The following MFAP3L variants were observed in gnomAD, a reference collection of about 807,000 sequenced individuals.
The protein encoded by MFAP3L is microfibrillar-associated protein 3-like.
In MFAP3L, 5 loss-of-function variants were observed where a neutral mutation model predicts 20.0. That is an observed-to-expected ratio of 0.25 (90% CI 0.13 to 0.53). The LOEUF (loss-of-function observed/expected upper bound fraction) is 0.53, where lower values mean the gene tolerates loss of function less well. Ranked by LOEUF, MFAP3L falls within the 20% of genes least tolerant of loss-of-function variation. MFAP3L has a pLI of 0.96. For missense variants in MFAP3L, 409 were observed against 527.5 expected, an observed-to-expected ratio of 0.78 and a Z score of 2.20; for synonymous variants, 219 against 213.0, an observed-to-expected ratio of 1.03 and a Z score of -0.25.
chr4:169,994,632 C>T (rs1427825493), intron 2 of MFAP3L: 3 of 793,392 alleles, frequency 3.8e-6, no homozygotes, highest in Non-Finnish European at 4.6e-6. Flanking sequence ...TCAATTTAGA[C>T]AACTACTTAC....
At chr4:170,013,064 T>C (rs1739483494) in intron 1 of MFAP3L, among the ~76,000 whole-genome samples, 1 of 152,212 alleles carries the variant, frequency 6.6e-6, no homozygotes, top group African/African-American at 2.4e-5. Context: ...AGAGATGCCA[T>C]CTTCATAAAA....
intron 1 of MFAP3L, among the ~76,000 whole-genome samples, chr4:170,009,160 G>A (rs1386234656): frequency 1.3e-5 from 2 of 152,088 alleles, no homozygotes; most frequent in Middle Eastern, 3.4e-3. Context: ...TGACGCAGGC[G>A]GATCACGAGG....
chr4:170,006,362 C>T (rs1739035775), intron 1 of MFAP3L, among the ~76,000 whole-genome samples: 1 of 152,180 alleles, frequency 6.6e-6, no homozygotes, highest in Admixed American at 6.5e-5. Context: ...ATCCACCCAC[C>T]TCGGCCTCTC....
chr4:170,011,446 T>C (rs1739375692), intron 1 of MFAP3L, among the ~76,000 whole-genome samples: 1 of 152,230 alleles, frequency 6.6e-6, no homozygotes, highest in Admixed American at 6.5e-5. Context: ...TCTATTTCTG[T>C]ACAGAGATTC....
intron 1 of MFAP3L, among the ~76,000 whole-genome samples, chr4:170,017,410 C>T (rs1362188040): frequency 6.6e-6 from 1 of 152,118 alleles, no homozygotes; most frequent in Non-Finnish European, 1.5e-5. Flanking sequence ...ACAAAACACC[C>T]CCACAGATGT....
At chr4:170,017,016 GCA>G (rs1739741320) in intron 1 of MFAP3L, among the ~76,000 whole-genome samples, 1 of 152,110 alleles carries the variant, frequency 6.6e-6, no homozygotes, top group African/African-American at 2.4e-5. Context: ...TCAAAATGTC[GCA>G]CAGTCCCTCA....
intron 2 of MFAP3L, chr4:169,997,799 ATTCT>A: frequency 1.1e-6 from 1 of 890,718 alleles, no homozygotes. Context: ...CCTTTCATTA[ATTCT>A]TTTTTTTTTT....
chr4:170,023,277 T>C (rs1740150090), intron 1 of MFAP3L, among the ~76,000 whole-genome samples: 1 of 149,722 alleles, frequency 6.7e-6, no homozygotes, highest in Non-Finnish European at 1.5e-5. Flanking sequence ...GACTCGACTG[T>C]GACTTACTCT....
intron 1 of MFAP3L, among the ~76,000 whole-genome samples, chr4:170,013,269 T>C (rs1739495728): frequency 1.3e-5 from 2 of 152,282 alleles, no homozygotes; most frequent in South Asian, 4.1e-4. Context: ...ATACTGTTGA[T>C]ATCCTACTAA....
At chr4:170,011,171 GTGAAT>G (rs1388163771) in intron 1 of MFAP3L, among the ~76,000 whole-genome samples, 3 of 152,306 alleles carry the variant, frequency 2.0e-5, no homozygotes, top group African/African-American at 7.2e-5. Flanking sequence ...ATGTGGAACT[GTGAAT>G]CAATTAGACT....
chr4:170,026,417 A>G (rs1357007469), upstream of MFAP3L: 13 of 420,138 alleles, frequency 3.1e-5, no homozygotes, highest in Non-Finnish European at 4.1e-5. Flanking sequence ...GGAGCTTCCC[A>G]CCTACAGGAG....
chr4:170,012,155 C>A (rs1303568779), intron 1 of MFAP3L, among the ~76,000 whole-genome samples: 3 of 152,282 alleles, frequency 2.0e-5, no homozygotes, highest in Admixed American at 6.5e-5. Context: ...CGATGTAGAC[C>A]TGGCTAGGAG....
At position 170,005,942 on chromosome 4, in the gene MFAP3L, C is replaced by A; in HGVS notation, c.-65G>T. 1.3e-6 allele frequency: 2 copies of A among 1,546,956 alleles called. No individual in the cohort carries two copies. The highest frequency in any genetic ancestry group is 1.9e-5 in the Admixed American group (1 of 53,384). On this transcript the variant is annotated 5_prime_UTR_variant, in exon 2 of 3. Coordinates refer to ENST00000361618, the MANE Select transcript of MFAP3L (RefSeq NM_021647.8). ...GCCAACCGAATCTTCTATCAGACAA[C>A]ACACTGTTCACAGCAGGTCATGGGA...
intron 2 of MFAP3L, chr4:170,005,279 T>C (rs56097049): frequency 0.059 from 24,871 of 420,060 alleles, 864 homozygotes; most frequent in African/African-American, 0.1. Context: ...GAATATATTA[T>C]TTAGGAAAAT....
At chr4:170,017,913 G>A (rs1006745002) in intron 1 of MFAP3L, among the ~76,000 whole-genome samples, 2 of 152,162 alleles carry the variant, frequency 1.3e-5, no homozygotes, top group African/African-American at 4.8e-5. Flanking sequence ...CCGCTGGGTA[G>A]TCACCTTTAT....
intron 1 of MFAP3L, among the ~76,000 whole-genome samples, chr4:170,020,265 A>G (rs561556549): frequency 6.6e-6 from 1 of 152,112 alleles, no homozygotes; most frequent in Non-Finnish European, 1.5e-5. Flanking sequence ...GGTTCACTAT[A>G]AAGACATTGT....
At position 169,986,772 on chromosome 4, in the gene MFAP3L, G is replaced by A. The variant is rs1447902378; in HGVS notation, c.*4606C>T. On this transcript the variant is annotated 3_prime_UTR_variant, in exon 3 of 3. Transcript: ENST00000361618. Reference sequence around the variant, plus strand: ...GAATCACCAGATTGACATTTCTGTCGAGACATTTTTCCATTTTCCAATTTT... The same window carrying A: ...GAATCACCAGATTGACATTTCTGTCAAGACATTTTTCCATTTTCCAATTTT... 1.3e-5 allele frequency: 2 copies of A among 152,100 alleles called. No individual in the cohort carries two copies. Among genetic ancestry groups the A allele is most frequent in the African/African-American group, 4.8e-5 (2 of 41,430 alleles). 9.4% of individuals were successfully genotyped at this position (152,100 alleles called of 1,614,324 possible). A position where few individuals can be genotyped will look rare whatever the true frequency, so the allele number is the denominator to read the frequency against.
chr4:169,991,280 A>G lies in MFAP3L; in HGVS notation c.*98T>C, dbSNP rs1737641921. On this transcript the variant is annotated 3_prime_UTR_variant, in exon 3 of 3. Coordinates refer to ENST00000361618, the MANE Select transcript of MFAP3L (RefSeq NM_021647.8). This position sits in a 1 kb window ranked among gnomAD's most constrained non-coding sequence, Gnocchi z 4.9. ...GCATCACTCCTACCTAAGGGATGAG[A>G]GTCTCCTGGTAAGGCTTAGCGGCAA... The G allele has an allele frequency of 7.9e-7, 1 of 1,269,538 alleles. No homozygotes were observed. Among genetic ancestry groups the G allele is most frequent in the Non-Finnish European group, 1.1e-6 (1 of 917,134 alleles). 78.6% of individuals were successfully genotyped at this position (1,269,538 alleles called of 1,614,324 possible).
At chr4:170,025,503 T>C (rs72702359) in intron 1 of MFAP3L, among the ~76,000 whole-genome samples, 2,260 of 152,304 alleles carry the variant, frequency 0.015, 29 homozygotes, top group Non-Finnish European at 0.023. Context: ...TACAAACCTT[T>C]TTTTGCTACC....
Sources: gnomAD v4.1 joint callset for allele counts (sites outside exome capture counted in the v4.1 genomes callset) on GRCh38, gnomAD v4.1.1 for gene constraint, Gnocchi (gnomAD v3.1) non-coding constraint, MANE v1.5 for transcripts, NCBI Gene and HGNC (gene_info 2026-07-23, HGNC 2026-07-21) for gene names.